GET4: variants seen among roughly 807,000 people sequenced by gnomAD.
The protein encoded by GET4 is guided entry of tail-anchored proteins factor 4.
A neutral mutation model predicts 40.0 loss-of-function variants in GET4; 20 were observed. The ratio of observed to expected loss-of-function variants is 0.50; its 90% CI spans 0.35 to 0.73. The LOEUF is 0.73. Ranked by LOEUF, GET4 falls within the 30% of genes least tolerant of loss-of-function variation. The probability of loss-of-function intolerance (pLI) is 0.01; values close to 1 mark genes in which losing one functional copy is unlikely to be tolerated. For synonymous variants in GET4, 280 were observed against 194.6 expected, an observed-to-expected ratio of 1.44 and a Z score of -3.65; for missense variants, 557 against 454.0, an observed-to-expected ratio of 1.23 and a Z score of -2.06.
chr7:889,656 G>A (rs1844271125), intron 4 of GET4, among the ~76,000 whole-genome samples: 1 of 148,732 alleles, frequency 6.7e-6, no homozygotes, highest in South Asian at 2.1e-4. Context: ...GAGGGAGTGT[G>A]AGCGGGTGTT....
chr7:894,597 C>T (rs1020029013), intron 8 of GET4, among the ~76,000 whole-genome samples: 7 of 152,170 alleles, frequency 4.6e-5, no homozygotes, highest in Non-Finnish European at 1.5e-5. Context: ...GACACAGGCA[C>T]CTCCACCCCA....
At chr7:885,262 A>G (rs985776042) in intron 1 of GET4, 1 of 152,280 alleles carries the variant, frequency 6.6e-6, no homozygotes, top group Non-Finnish European at 1.5e-5. Context: ...GGGCCCCACC[A>G]CTGGACTGGG....
intron 8 of GET4, 56 bp downstream of exon 8, chr7:894,027 T>G (rs1844409588): frequency 8.2e-6 from 10 of 1,213,686 alleles, no homozygotes; most frequent in Non-Finnish European, 9.2e-6. Flanking sequence ...TGTGGGGTCA[T>G]CATCTCTGCC....
At chr7:877,716 C>G (rs1214847635) in intron 1 of GET4, among the ~76,000 whole-genome samples, 1 of 117,330 alleles carries the variant, frequency 8.5e-6, no homozygotes, top group Non-Finnish European at 1.8e-5. Context: ...CGGCCTCCCC[C>G]TCCCTGTTCT....
At chr7:878,183 C>T (rs1844007344) in intron 1 of GET4, 2 of 455,766 alleles carry the variant, frequency 4.4e-6, no homozygotes, top group Non-Finnish European at 9.2e-6. Context: ...GCAGAGCTGG[C>T]TATGCTGGGT....
At chr7:881,230 T>C (rs1188462704) in intron 1 of GET4, 1 of 152,234 alleles carries the variant, frequency 6.6e-6, no homozygotes, top group Non-Finnish European at 1.5e-5. Flanking sequence ...AATATTTATG[T>C]AAAATGTATA....
chr7:887,183 TG>T, intron 3 of GET4, 186 bp from the exon 4 acceptor site: 1 of 759,756 alleles, frequency 1.3e-6, no homozygotes. Flanking sequence ...CGCTGTGCTC[TG>T]GGGCACATGG....
intron 5 of GET4, 21 bp downstream of exon 5, chr7:891,087 G>A (rs752506322): frequency 7.7e-6 from 12 of 1,562,650 alleles, no homozygotes; most frequent in South Asian, 3.6e-5. Flanking sequence ...GTGGCTCTTC[G>A]GGTCTCGGCT....
chr7:891,002 G>C lies in GET4; in HGVS notation c.541G>C (p.Glu181Gln), dbSNP rs1212715712. The change falls in exon 5 of 9, where the codon GAG becomes CAG. Residue 181 changes from glutamate to glutamine, a missense_variant. Coordinates refer to ENST00000265857, the MANE Select transcript of GET4 (RefSeq NM_015949.3). ...GGAGGGCTGTGCCAACATGCTGGTGGAGTATTCCACGTCCCGCGGCTTCCG... is the reference window on the plus strand; with the variant it reads ...GGAGGGCTGTGCCAACATGCTGGTGCAGTATTCCACGTCCCGCGGCTTCCG... ...DGEGCANMLVEYSTSRGFRSE... is the reference protein window; with the variant it reads ...DGEGCANMLVQYSTSRGFRSE... The C allele has an allele frequency of 1.2e-6, 2 of 1,612,130 alleles. No individual in the cohort carries two copies. Among genetic ancestry groups the C allele is most frequent in the Non-Finnish European group, 1.7e-6 (2 of 1,178,480 alleles).
chr7:895,555 C>G lies in GET4; in HGVS notation c.*133C>G. 3.7e-6 allele frequency: 2 copies of G among 535,620 alleles called. No homozygotes were observed. Among genetic ancestry groups the G allele is most frequent in the South Asian group, 4.8e-5 (2 of 41,848 alleles). 33.2% of individuals were successfully genotyped at this position (535,620 alleles called of 1,614,324 possible). A position where few individuals can be genotyped will look rare whatever the true frequency, so the allele number is the denominator to read the frequency against. ...GCGGTGGCCGCATGCCGGCGCGTGTCTGTTTCTGTGCGGCGGCTCAGGGTG... is the reference window on the plus strand; with the variant it reads ...GCGGTGGCCGCATGCCGGCGCGTGTGTGTTTCTGTGCGGCGGCTCAGGGTG... On this transcript the variant is annotated 3_prime_UTR_variant, in exon 9 of 9. Coordinates refer to ENST00000265857, the MANE Select transcript of GET4 (RefSeq NM_015949.3).
intron 4 of GET4, 114 bp downstream of exon 4, chr7:887,633 G>C: frequency 1.2e-6 from 1 of 802,776 alleles, no homozygotes; most frequent in Non-Finnish European, 1.8e-6. Context: ...GTTTCACCCT[G>C]TGGTCACGCG....
In GET4 at chr7:876,574, T is replaced by A; in HGVS notation, c.-72T>A. ...ACCGTAGAAGGGCGTCGGGCGGCCG[T>A]CGGGACGGAAGCCGGGAGGCGCTGC... On this transcript the variant is annotated 5_prime_UTR_variant, in exon 1 of 9. Transcript: ENST00000265857. 1 of 1,135,680 alleles carries A rather than the reference T, an allele frequency of 8.8e-7. No individual in the cohort carries two copies. The allele number at this position is 1,135,680 out of a possible 1,614,324, so 70.4% of individuals were successfully genotyped here.
intron 5 of GET4, 124 bp from the exon 6 acceptor site, chr7:892,154 A>G (rs778790016): frequency 1.6e-4 from 151 of 924,526 alleles, no homozygotes; most frequent in Non-Finnish European, 2.4e-4. Context: ...GGGTCCCTCC[A>G]TGGCCTTGGG....
At chr7:889,755 G>A (rs562644918) in intron 4 of GET4, among the ~76,000 whole-genome samples, 2 of 126,228 alleles carry the variant, frequency 1.6e-5, no homozygotes, top group Non-Finnish European at 3.4e-5. Context: ...TGGGAGTGGA[G>A]GGAGCGCGAG....
chr7:878,311 G>C (rs1347482041), intron 1 of GET4: 1 of 471,060 alleles, frequency 2.1e-6, no homozygotes, highest in African/African-American at 2.0e-5. Flanking sequence ...AGTTACTGCA[G>C]AATGTTCAGT....
rs1844474462 is a variant in GET4, at chr7:895,880, A to G, written c.*458A>G. On this transcript the variant is annotated 3_prime_UTR_variant, in exon 9 of 9. Coordinates refer to ENST00000265857, the MANE Select transcript of GET4 (RefSeq NM_015949.3). ...AGGGCCCATGTGGTCTGCAAATGGG[A>G]GCGGCTGTTTTTGAACACGGGGTCA... The G allele has an allele frequency of 6.5e-6, 1 of 152,878 alleles. No individual in the cohort carries two copies. The highest frequency in any genetic ancestry group is 1.5e-5 in the Non-Finnish European group (1 of 68,510). The allele number at this position is 152,878 out of a possible 1,614,324, so 9.5% of individuals were successfully genotyped here.
At chr7:886,199 A>T (rs1318408600) in intron 2 of GET4, 65 bp downstream of exon 2, 2 of 1,000,014 alleles carry the variant, frequency 2.0e-6, no homozygotes, top group Non-Finnish European at 3.2e-6. Context: ...GGTGGGAATG[A>T]CCTCCCACCT....
Position 895,640 on chromosome 7 carries a change from C to T in GET4, c.*218C>T, listed in dbSNP as rs376159705. On this transcript the variant is annotated 3_prime_UTR_variant, in exon 9 of 9. Coordinates refer to ENST00000265857, the MANE Select transcript of GET4 (RefSeq NM_015949.3). ...AGAGTGGGGCGTCGCCCCTGCTGGC[C>T]GCCGCGTCCCCCGAGATTGACCCAC... 4.4e-4 allele frequency: 182 copies of T among 412,292 alleles called. 1 individual carries two copies. Among genetic ancestry groups the T allele is most frequent in the South Asian group, 2.0e-3 (47 of 23,206 alleles). The allele number at this position is 412,292 out of a possible 1,614,324, so 25.5% of individuals were successfully genotyped here. A position where few individuals can be genotyped will look rare whatever the true frequency, so the allele number is the denominator to read the frequency against.
chr7:895,437 GT>G lies in GET4; in HGVS notation c.*16del. ...AGCTGGACTGAACTGGCCAGGCCAC[GT>G]GGAGACACCACGGTCGACGACGGCT... is the stretch of plus-strand genomic sequence containing the variant. On this transcript the variant is annotated 3_prime_UTR_variant, in exon 9 of 9. Coordinates refer to ENST00000265857, the MANE Select transcript of GET4 (RefSeq NM_015949.3). 7.1e-7 allele frequency: 1 copy of G among 1,409,434 alleles called. No homozygotes were observed. The highest frequency in any genetic ancestry group is 1.0e-6 in the Non-Finnish European group (1 of 999,652). The allele number at this position is 1,409,434 out of a possible 1,614,324, so 87.3% of individuals were successfully genotyped here.
Sources: allele counts gnomAD v4.1 joint callset (sites outside exome capture counted in the v4.1 genomes callset), GRCh38; gene constraint gnomAD v4.1.1; transcripts MANE v1.5; gene names NCBI Gene and HGNC (gene_info 2026-07-23, HGNC 2026-07-21).